Variants in XKR6 observed in about 807,000 individuals in gnomAD.
XKR6 encodes XK related 6.
XKR6 carries 22 observed loss-of-function variants against 56.7 expected under a neutral mutation model. The observed-to-expected ratio is 0.39, with a 90% CI of 0.28 to 0.55. The LOEUF (loss-of-function observed/expected upper bound fraction) is 0.55, where lower values mean the gene tolerates loss of function less well. XKR6 is among the 20% of genes least tolerant of loss of function. XKR6 has a pLI of 0.66. For synonymous variants in XKR6, 524 were observed against 387.8 expected, an observed-to-expected ratio of 1.35 and a Z score of -4.13; for missense variants, 852 against 889.0, an observed-to-expected ratio of 0.96 and a Z score of 0.53.
intron 1 of XKR6, among the ~76,000 whole-genome samples, chr8:11,115,807 C>A (rs978267879): frequency 2.0e-5 from 3 of 152,186 alleles, no homozygotes; most frequent in African/African-American, 4.8e-5. Flanking sequence ...AAATCTGCAA[C>A]CTCCAGCATA....
At chr8:11,194,392 G>A (rs571304787) in intron 1 of XKR6, 1 of 152,112 alleles carries the variant, frequency 6.6e-6, no homozygotes, top group Non-Finnish European at 1.5e-5. Context: ...CTCCAATAGC[G>A]GTAAGCAGTG....
At chr8:10,953,586 C>A (rs1022727271) in intron 1 of XKR6, among the ~76,000 whole-genome samples, 3 of 152,164 alleles carry the variant, frequency 2.0e-5, no homozygotes, top group African/African-American at 7.2e-5. Context: ...TTGCCCAGCC[C>A]TACATTATTA....
intron 1 of XKR6, among the ~76,000 whole-genome samples, chr8:11,021,385 C>T (rs1338390147): frequency 6.6e-6 from 1 of 152,176 alleles, no homozygotes; most frequent in Non-Finnish European, 1.5e-5. Flanking sequence ...CCATAAGTTC[C>T]ATCGGATTAA....
intron 1 of XKR6, among the ~76,000 whole-genome samples, chr8:11,059,734 C>G (rs948722057): frequency 6.6e-6 from 1 of 150,592 alleles, no homozygotes; most frequent in African/African-American, 2.4e-5. Flanking sequence ...GGCCCGCGCC[C>G]CCCGGACCCC....
chr8:10,930,843 A>G (rs1339694466), intron 1 of XKR6, among the ~76,000 whole-genome samples: 1 of 152,228 alleles, frequency 6.6e-6, no homozygotes, highest in East Asian at 1.9e-4. Context: ...AAAAGACTGA[A>G]TGCTTTTGTC....
At chr8:11,150,659 C>A (rs1378441450) in intron 1 of XKR6, among the ~76,000 whole-genome samples, 1 of 151,958 alleles carries the variant, frequency 6.6e-6, no homozygotes, top group African/African-American at 2.4e-5. Flanking sequence ...TTGAGAGCAG[C>A]CTGGCCAACA....
rs181730686 is a variant in XKR6 at position 10,927,736 on chromosome 8, G to A, written c.765-2906C>T. Among the ~76,000 whole-genome samples the A allele has an allele frequency of 5.0e-3, 754 of 152,282 alleles. 3 individuals are homozygous for A. The highest frequency in any genetic ancestry group is 5.4e-3 in the Non-Finnish European group (366 of 68,026). ...ATTCAACTGGGATGCCTGCCAGGAG[G>A]AGCCAATCTTGATGCTCTCCTGGGT... On this transcript the variant is annotated intron_variant, in intron 1 of 2. Coordinates refer to ENST00000416569, the MANE Select transcript of XKR6 (RefSeq NM_173683.4).
chr8:11,068,385 A>T (rs756079738), intron 1 of XKR6, among the ~76,000 whole-genome samples: 2 of 152,174 alleles, frequency 1.3e-5, no homozygotes, highest in Non-Finnish European at 2.9e-5. Flanking sequence ...CCCCTCCATG[A>T]AGGACTGTCC....
intron 1 of XKR6, among the ~76,000 whole-genome samples, chr8:11,009,803 G>T (rs1010997598): frequency 3.5e-4 from 54 of 152,292 alleles, no homozygotes; most frequent in African/African-American, 1.3e-3. Flanking sequence ...TAACACTAAT[G>T]TATCAATATT....
intron 2 of XKR6, among the ~76,000 whole-genome samples, chr8:10,907,365 AT>A (rs1368869272): frequency 2.0e-5 from 3 of 152,330 alleles, no homozygotes; most frequent in African/African-American, 7.2e-5. Context: ...GACTTCATGC[AT>A]ATCATGTCAT....
chr8:11,098,251 C>A (rs1291302445), intron 1 of XKR6, among the ~76,000 whole-genome samples: 1 of 152,042 alleles, frequency 6.6e-6, no homozygotes, highest in Non-Finnish European at 1.5e-5. Flanking sequence ...AACACACACA[C>A]ACGCATGCAC....
intron 1 of XKR6, among the ~76,000 whole-genome samples, chr8:11,118,402 C>T (rs1363765174): frequency 1.3e-5 from 2 of 152,144 alleles, no homozygotes; most frequent in Non-Finnish European, 2.9e-5. Context: ...CCTCCTTGTA[C>T]CTCTGGTAGA....
At chr8:10,973,774 G>A (rs1271224568) in intron 1 of XKR6, among the ~76,000 whole-genome samples, 2 of 151,972 alleles carry the variant, frequency 1.3e-5, no homozygotes, top group African/African-American at 4.8e-5. Context: ...TTGTAGAAAC[G>A]GGGTTTCACC....
At chr8:10,904,800 G>A (rs1361054429) in intron 2 of XKR6, among the ~76,000 whole-genome samples, 3 of 152,204 alleles carry the variant, frequency 2.0e-5, no homozygotes, top group African/African-American at 7.2e-5. Flanking sequence ...CCACAGGAGT[G>A]CCTAGAGATG....
chr8:10,995,604 C>T (rs1798093887), intron 1 of XKR6, among the ~76,000 whole-genome samples: 1 of 150,120 alleles, frequency 6.7e-6, no homozygotes, highest in Non-Finnish European at 1.5e-5. Flanking sequence ...AGGAGAATCA[C>T]TTGAGCCTGG....
intron 1 of XKR6, among the ~76,000 whole-genome samples, chr8:11,037,963 G>A (rs1471280108): frequency 1.3e-5 from 2 of 151,596 alleles, no homozygotes; most frequent in African/African-American, 4.9e-5. Context: ...GGAGGCAGAG[G>A]TTGTAGTGAG....
chr8:10,969,511 C>T (rs572763975), intron 1 of XKR6, among the ~76,000 whole-genome samples: 6 of 152,176 alleles, frequency 3.9e-5, no homozygotes, highest in Non-Finnish European at 8.8e-5. Context: ...AATGTAGGTA[C>T]GTGTCCTATG....
intron 1 of XKR6, among the ~76,000 whole-genome samples, chr8:11,117,449 G>A (rs1429897615): frequency 6.6e-6 from 1 of 152,136 alleles, no homozygotes; most frequent in Non-Finnish European, 1.5e-5. Flanking sequence ...GGATTCCACA[G>A]GAAGAAAACA....
chr8:11,170,196 T>A (rs1055287509), intron 1 of XKR6, among the ~76,000 whole-genome samples: 2 of 152,216 alleles, frequency 1.3e-5, no homozygotes, highest in African/African-American at 2.4e-5. Flanking sequence ...CTCCTAGGTA[T>A]ATATCCAACA....
Sources: gnomAD v4.1 joint callset for allele counts (sites outside exome capture counted in the v4.1 genomes callset) on GRCh38, gnomAD v4.1.1 for gene constraint, MANE v1.5 for transcripts, NCBI Gene and HGNC (gene_info 2026-07-23, HGNC 2026-07-21) for gene names.